The following KIAA1217 variants were observed in gnomAD, a reference collection of about 807,000 sequenced individuals.
KIAA1217 encodes sickle tail protein homolog.
Under a neutral mutation model 163.9 loss-of-function variants are expected in KIAA1217, and 88 were observed. The observed-to-expected ratio is 0.54, with a 90% CI of 0.45 to 0.64. The LOEUF (loss-of-function observed/expected upper bound fraction) is 0.64. Ranked by LOEUF, KIAA1217 falls within the 30% of genes least tolerant of loss-of-function variation. KIAA1217 has a pLI of 0.00. For missense variants in KIAA1217, 2,372 were observed against 2,475.0 expected (o/e 0.96, Z 0.88); for synonymous variants, 903 against 923.1 (o/e 0.98, Z 0.39).
At chr10:24,244,208 T>G (rs1280489122) in intron 2 of KIAA1217, among the ~76,000 whole-genome samples, 1 of 152,222 alleles carries the variant, frequency 6.6e-6, no homozygotes, top group Non-Finnish European at 1.5e-5. Context: ...CAGAAATGAT[T>G]TCTTCAGAAA....
intron 2 of KIAA1217, among the ~76,000 whole-genome samples, chr10:24,377,762 C>T (rs1022316936): frequency 6.6e-6 from 1 of 152,068 alleles, no homozygotes; most frequent in South Asian, 2.1e-4. Context: ...TGGAAATAAG[C>T]TCCAGAGAGT....
chr10:24,016,207 G>C (rs754237859), intron 2 of KIAA1217, among the ~76,000 whole-genome samples: 1 of 152,082 alleles, frequency 6.6e-6, no homozygotes, highest in African/African-American at 2.4e-5. Context: ...ATATGTCTCT[G>C]TATTCTTTCT....
chr10:24,485,878 G>A (rs988520180), intron 6 of KIAA1217, among the ~76,000 whole-genome samples: 4 of 152,136 alleles, frequency 2.6e-5, no homozygotes, highest in African/African-American at 4.8e-5. Context: ...GTATCTCCCC[G>A]TGGATGTCTG....
chr10:23,884,276 T>C (rs1028487312), intron 1 of KIAA1217, among the ~76,000 whole-genome samples: 5 of 151,934 alleles, frequency 3.3e-5, no homozygotes, highest in Non-Finnish European at 5.9e-5. Context: ...GCATTTGGTG[T>C]TGTCCGTGAT....
At chr10:23,759,046 A>G (rs985140458) in intron 1 of KIAA1217, among the ~76,000 whole-genome samples, 2 of 152,196 alleles carry the variant, frequency 1.3e-5, no homozygotes, top group African/African-American at 4.8e-5. Flanking sequence ...TTTTCAACCC[A>G]TGAACATGGG....
intron 1 of KIAA1217, among the ~76,000 whole-genome samples, chr10:23,871,449 C>G (rs1840451556): frequency 6.6e-6 from 1 of 152,006 alleles, no homozygotes; most frequent in South Asian, 2.1e-4. Context: ...TATGACCCAC[C>G]ACAAGAGGGA....
At chr10:24,063,189 G>C (rs2060800635) in intron 2 of KIAA1217, among the ~76,000 whole-genome samples, 1 of 152,060 alleles carries the variant, frequency 6.6e-6, no homozygotes, top group Non-Finnish European at 1.5e-5. Flanking sequence ...ATTGCTTTTG[G>C]TGTTTTAGAC....
At chr10:24,389,202 C>G (rs1168603633) in intron 3 of KIAA1217, among the ~76,000 whole-genome samples, 2 of 152,102 alleles carry the variant, frequency 1.3e-5, no homozygotes, top group Non-Finnish European at 2.9e-5. Flanking sequence ...ACATATACAC[C>G]ATGTAATACT....
At chr10:24,075,127 C>T (rs546463457) in intron 2 of KIAA1217, among the ~76,000 whole-genome samples, 1 of 131,158 alleles carries the variant, frequency 7.6e-6, no homozygotes, top group Non-Finnish European at 1.5e-5. Flanking sequence ...AATACACACA[C>T]ACACACACAC....
At chr10:24,171,128 CAT>C (rs1229024896) in intron 2 of KIAA1217, among the ~76,000 whole-genome samples, 1 of 152,214 alleles carries the variant, frequency 6.6e-6, no homozygotes, top group Non-Finnish European at 1.5e-5. Flanking sequence ...CACTCAAAGA[CAT>C]AATCAGAATT....
At chr10:24,123,557 A>G (rs894178392) in intron 2 of KIAA1217, among the ~76,000 whole-genome samples, 3 of 152,160 alleles carry the variant, frequency 2.0e-5, no homozygotes, top group Non-Finnish European at 4.4e-5. Context: ...AGATGTTGTT[A>G]AATTGCTCTA....
chr10:24,096,078 A>G (rs938398144), intron 2 of KIAA1217, among the ~76,000 whole-genome samples: 2 of 152,226 alleles, frequency 1.3e-5, no homozygotes, highest in African/African-American at 2.4e-5. Context: ...ACTGTATTCC[A>G]TCCTGGGTGA....
chr10:23,818,043 A>G (rs1217417398), intron 1 of KIAA1217, among the ~76,000 whole-genome samples: 5 of 130,036 alleles, frequency 3.8e-5, no homozygotes, highest in Non-Finnish European at 7.8e-5. Context: ...ATATACATAT[A>G]TATACACATA....
intron 3 of KIAA1217, among the ~76,000 whole-genome samples, chr10:24,392,667 T>G (rs1343030511): frequency 1.3e-5 from 2 of 152,184 alleles, no homozygotes; most frequent in African/African-American, 2.4e-5. Flanking sequence ...CCAAAATTTT[T>G]AATATGTTCC....
chr10:24,260,996 TACA>T (rs2075666773), intron 2 of KIAA1217, among the ~76,000 whole-genome samples: 1 of 152,200 alleles, frequency 6.6e-6, no homozygotes, highest in Non-Finnish European at 1.5e-5. Context: ...AATGCCTGTT[TACA>T]AGAGACCCAG....
chr10:24,004,790 T>C lies in KIAA1217; in HGVS notation c.-320-2435T>C, dbSNP rs147746778. ...AAGAAGAGAGCAAAACTGTAGCCAT[T>C]GAGGCAAAGATTTGGAGGAAGAAGA... On this transcript the variant is annotated intron_variant, in intron 1 of 18. Transcript: ENST00000376462. 4.2e-3 allele frequency among the ~76,000 whole-genome samples: 643 copies of C among 152,314 alleles called. 2 individuals are homozygous for C. Among genetic ancestry groups the C allele is most frequent in the Non-Finnish European group, 7.4e-3 (500 of 68,020 alleles).
intron 2 of KIAA1217, among the ~76,000 whole-genome samples, chr10:24,275,230 C>T (rs1460882229): frequency 1.3e-5 from 2 of 152,188 alleles, no homozygotes; most frequent in East Asian, 3.8e-4. Flanking sequence ...AATTCTCTTG[C>T]CTTAGCCTCC....
intron 1 of KIAA1217, among the ~76,000 whole-genome samples, chr10:23,825,753 C>T (rs942574609): frequency 6.6e-6 from 1 of 152,102 alleles, no homozygotes; most frequent in Non-Finnish European, 1.5e-5. Context: ...ATGAAAATAA[C>T]AGTAAAAAAA....
chr10:23,797,622 A>G (rs1240787567), intron 1 of KIAA1217, among the ~76,000 whole-genome samples: 1 of 152,144 alleles, frequency 6.6e-6, no homozygotes, highest in Non-Finnish European at 1.5e-5. Context: ...GGAAGCAAGC[A>G]CGTTTTCACA....
Sources: allele counts gnomAD v4.1 joint callset (sites outside exome capture counted in the v4.1 genomes callset), GRCh38; gene constraint gnomAD v4.1.1; transcripts MANE v1.5; gene names NCBI Gene and HGNC (gene_info 2026-07-23, HGNC 2026-07-21).